Variants in AGMO observed in about 807,000 individuals in gnomAD.
The protein encoded by AGMO is alkylglycerol monooxygenase.
AGMO carries 75 observed loss-of-function variants against 60.2 expected under a neutral mutation model. That is an observed-to-expected ratio of 1.25 (90% CI 1.03 to 1.51). AGMO has a LOEUF of 1.51. AGMO is among the 40% of genes most tolerant of loss of function. The pLI is 0.00. For synonymous variants in AGMO, 261 were observed against 177.1 expected, an observed-to-expected ratio of 1.47 and a Z score of -3.76; for missense variants, 763 against 525.5, an observed-to-expected ratio of 1.45 and a Z score of -4.42.
chr7:15,318,003 T>TAC (rs1292261419), intron 12 of AGMO, among the ~76,000 whole-genome samples: 7 of 137,458 alleles, frequency 5.1e-5, no homozygotes, highest in Non-Finnish European at 9.6e-5. Context: ...CGTATATATA[T>TAC]ACATATATTT....
chr7:15,397,365 C>T (rs989901412), intron 5 of AGMO, among the ~76,000 whole-genome samples: 44 of 151,854 alleles, frequency 2.9e-4, no homozygotes, highest in African/African-American at 8.9e-4. Flanking sequence ...CGCGCAGCCC[C>T]GGCTCCCGCA....
At chr7:15,268,423 T>C (rs183921653) in intron 12 of AGMO, among the ~76,000 whole-genome samples, 1 of 152,142 alleles carries the variant, frequency 6.6e-6, no homozygotes, top group East Asian at 1.9e-4. Flanking sequence ...TCTGTGCAGA[T>C]TGAAACAGAT....
At chr7:15,445,145 T>G (rs1781663870) in intron 3 of AGMO, among the ~76,000 whole-genome samples, 1 of 152,210 alleles carries the variant, frequency 6.6e-6, no homozygotes, top group South Asian at 2.1e-4. Flanking sequence ...TGTCTAAAAC[T>G]TGTTTCTTAC....
intron 5 of AGMO, among the ~76,000 whole-genome samples, chr7:15,396,903 C>G (rs917400776): frequency 1.3e-5 from 2 of 152,176 alleles, no homozygotes; most frequent in African/African-American, 4.8e-5. Context: ...AATCCTTTAG[C>G]TAGACAGAAA....
In AGMO at chr7:15,495,842, C is replaced by CTCTCTCCT. The variant is rs1554279307; in HGVS notation, c.409+48929_409+48930insAGGAGAGA. 2.9e-5 allele frequency among the ~76,000 whole-genome samples: 4 copies of CTCTCTCCT among 136,062 alleles called. No homozygotes were observed. In the East Asian group the frequency reaches 8.5e-4, roughly 29 times the overall value. The allele number at this position is 136,062 out of a possible 152,430, so 89.3% of individuals were successfully genotyped here. On this transcript the variant is annotated intron_variant, in intron 3 of 12. Transcript: ENST00000342526. ...AGACTCTCTCTCTCTCTCTCTCTCT[C>CTCTCTCCT]CTCTCTCTCTCCTCTCTCTCTCTCC...
intron 8 of AGMO, among the ~76,000 whole-genome samples, chr7:15,388,166 T>C (rs1472155634): frequency 6.6e-6 from 1 of 152,110 alleles, no homozygotes; most frequent in Non-Finnish European, 1.5e-5. Flanking sequence ...CCATTAAGAT[T>C]ATAAAAAATA....
chr7:15,286,210 A>G (rs191226880), intron 12 of AGMO, among the ~76,000 whole-genome samples: 2 of 152,150 alleles, frequency 1.3e-5, no homozygotes, highest in East Asian at 3.9e-4. Flanking sequence ...TGCAACAAAA[A>G]CAAAAATAAA....
intron 8 of AGMO, among the ~76,000 whole-genome samples, chr7:15,388,443 A>G (rs7802330): frequency 0.15 from 22,286 of 152,104 alleles, 4,182 homozygotes; most frequent in African/African-American, 0.44. Flanking sequence ...AATACAGAAA[A>G]CCAATGTGCG....
the AGMO span, among the ~76,000 whole-genome samples, chr7:15,153,319 C>T: frequency 6.6e-6 from 1 of 151,974 alleles, no homozygotes; most frequent in Non-Finnish European, 1.5e-5. Flanking sequence ...ATGATTTCTT[C>T]TCCTTTGCAG....
At chr7:15,378,094 T>C (rs1057000564) in intron 10 of AGMO, among the ~76,000 whole-genome samples, 6 of 152,034 alleles carry the variant, frequency 3.9e-5, no homozygotes, top group South Asian at 2.1e-4. Context: ...TCTGGCCCCA[T>C]AGTATCCTAG....
chr7:15,439,253 A>AG (rs896731030), intron 3 of AGMO, among the ~76,000 whole-genome samples: 12 of 151,932 alleles, frequency 7.9e-5, no homozygotes, highest in Non-Finnish European at 1.6e-4. Context: ...AAAAATTAGC[A>AG]GGGCGTGGTG....
intron 2 of AGMO, among the ~76,000 whole-genome samples, chr7:15,548,443 A>G (rs1399777557): frequency 6.6e-6 from 1 of 151,890 alleles, no homozygotes; most frequent in South Asian, 2.1e-4. Flanking sequence ...ATGTATAACT[A>G]GAATAACCAA....
At chr7:15,559,494 A>C (rs1785243189) in intron 2 of AGMO, among the ~76,000 whole-genome samples, 1 of 152,150 alleles carries the variant, frequency 6.6e-6, no homozygotes, top group African/African-American at 2.4e-5. Context: ...ATGGCTTTCC[A>C]GGCAGAGGGA....
In AGMO at chr7:15,469,692, T is replaced by C. The variant is rs139334546; in HGVS notation, c.410-38584A>G. On this transcript the variant is annotated intron_variant, in intron 3 of 12. Transcript: ENST00000342526. ...ATTAGAAAAAAAAAGTTAATGTTCT[T>C]TTGGGAGACTGTGGTTATGAGATGG... 1.6e-4 allele frequency among the ~76,000 whole-genome samples: 25 copies of C among 152,258 alleles called. 1 individual carries two copies. The East Asian group carries it at 4.8e-3, about 29-fold the overall frequency.
intron 12 of AGMO, among the ~76,000 whole-genome samples, chr7:15,206,544 C>A (rs760089345): frequency 4.0e-5 from 6 of 151,884 alleles, no homozygotes; most frequent in Non-Finnish European, 7.4e-5. Context: ...TTAAATCAAA[C>A]AGTATTACAT....
the AGMO span, among the ~76,000 whole-genome samples, chr7:15,166,334 T>A: frequency 1.3e-5 from 2 of 151,904 alleles, no homozygotes; most frequent in Admixed American, 1.3e-4. Context: ...GATGGAGCAA[T>A]GAGTGCAAAG....
intron 12 of AGMO, among the ~76,000 whole-genome samples, chr7:15,325,964 C>A (rs1377597806): frequency 6.6e-6 from 1 of 151,592 alleles, no homozygotes; most frequent in Non-Finnish European, 1.5e-5. Flanking sequence ...AGAAACAAAC[C>A]AAAGAATAAA....
intron 12 of AGMO, among the ~76,000 whole-genome samples, chr7:15,234,805 A>T (rs956557105): frequency 6.6e-6 from 1 of 152,182 alleles, no homozygotes; most frequent in Non-Finnish European, 1.5e-5. Flanking sequence ...ATGTCACTGA[A>T]TATTATTCTT....
At chr7:15,338,938 A>T (rs1781747038) in intron 12 of AGMO, among the ~76,000 whole-genome samples, 1 of 152,172 alleles carries the variant, frequency 6.6e-6, no homozygotes, top group South Asian at 2.1e-4. Context: ...GCAAGTGGGG[A>T]GCAGCCTCAA....
Sources: allele counts gnomAD v4.1 joint callset (sites outside exome capture counted in the v4.1 genomes callset), GRCh38; gene constraint gnomAD v4.1.1; transcripts MANE v1.5; gene names NCBI Gene and HGNC (gene_info 2026-07-23, HGNC 2026-07-21).